The following EIF5B variants were observed in gnomAD, a reference collection of about 807,000 sequenced individuals.
EIF5B encodes eIF-5B.
A neutral mutation model predicts 147.5 loss-of-function variants in EIF5B; 47 were observed. The observed-to-expected ratio is 0.32, with a 90% CI of 0.25 to 0.41. The LOEUF is 0.41. Among genes scored for constraint, EIF5B ranks in the 10% least tolerant of loss-of-function variants. The pLI is 1.00. For missense variants in EIF5B, 1,064 were observed against 1,413.2 expected (o/e 0.75, Z 3.96); for synonymous variants, 455 against 456.2 (o/e 1.00, Z 0.03).
intron 22 of EIF5B, chr2:99,397,488 CA>C (rs1281923730): frequency 9.4e-6 from 1 of 106,924 alleles, no homozygotes; most frequent in Non-Finnish European, 1.9e-5. Context: ...AACAGTCCTC[CA>C]TTCTTTTTGA....
intron 7 of EIF5B, 25 bp from the exon 8 acceptor site, chr2:99,369,367 A>G (rs776730231): frequency 1.3e-6 from 2 of 1,575,370 alleles, no homozygotes; most frequent in South Asian, 1.1e-5. Context: ...AAAAAATATT[A>G]TCTTGGTTTC....
intron 6 of EIF5B, among the ~76,000 whole-genome samples, 171 bp from the exon 7 acceptor site, chr2:99,368,322 A>G (rs1008603876): frequency 5.3e-5 from 8 of 152,202 alleles, no homozygotes; most frequent in Non-Finnish European, 1.2e-4. Flanking sequence ...TTTTTACTGT[A>G]TGTAAATTTT....
chr2:99,383,054 T>TTA (rs1674725501), intron 14 of EIF5B, 133 bp downstream of exon 14: 8 of 928,244 alleles, frequency 8.6e-6, no homozygotes, highest in African/African-American at 6.8e-5. Flanking sequence ...TTCACAGATA[T>TTA]TGTGTGTGTG....
chr2:99,354,696 A>G lies in EIF5B; in HGVS notation c.36-5540A>G, dbSNP rs1674054963. Among the ~76,000 whole-genome samples, 3 of 151,112 alleles carry G rather than the reference A, an allele frequency of 2.0e-5. No individual in the cohort carries two copies. The South Asian group carries it at 6.3e-4, about 32-fold the overall frequency. ...CACTCTTGGATAAGGACTGAGGGTG[A>G]GGTTCATTTTTGTGTGATAGGTGTC... On this transcript the variant is annotated intron_variant, in intron 1 of 23. Transcript: ENST00000289371.
At chr2:99,382,273 C>T (rs1253821656) in intron 13 of EIF5B, 47 bp downstream of exon 13, 1 of 1,532,406 alleles carries the variant, frequency 6.5e-7, no homozygotes, top group Non-Finnish European at 9.0e-7. Flanking sequence ...TACTTGAAAC[C>T]ATTAAGTCTA....
In EIF5B at chr2:99,371,661, G is replaced by A. The variant is rs776914727; in HGVS notation, c.1483G>A (p.Glu495Lys). 6.2e-7 allele frequency: 1 copy of A among 1,611,340 alleles called. No individual in the cohort carries two copies. Among genetic ancestry groups the A allele is most frequent in the South Asian group, 1.1e-5 (1 of 90,124 alleles). Reference sequence around the variant, plus strand: ...ATGCAAATTTTTACTTACAGAAGAAGAAGAAGATACTGAGGATGCTGGATT... The same window carrying A: ...ATGCAAATTTTTACTTACAGAAGAAAAAGAAGATACTGAGGATGCTGGATT... ...ETPPPVEPEE[E>K]EDTEDAGLDD... Residue 495 changes from glutamate (E) to lysine (K), a missense_variant, in exon 9 of 24, where the codon GAA becomes AAA. Physicochemically the swap from Glu to Lys is moderately conservative, Grantham distance 56 (BLOSUM62 1). Coordinates refer to ENST00000289371, the MANE Select transcript of EIF5B (RefSeq NM_015904.4).
Position 99,399,901 on chromosome 2 carries a change from TATAAAATAGAAA to T in EIF5B, c.*490_*501del. ...TTCTGCCATATGCCTTTAGGGCTTT[TATAAAATAGAAA>T]ATTAGGCATTCTGATATTTCTTTAG... On this transcript the variant is annotated 3_prime_UTR_variant, in exon 24 of 24. Coordinates refer to ENST00000289371, the MANE Select transcript of EIF5B (RefSeq NM_015904.4). 6.5e-6 allele frequency: 1 copy of T among 153,664 alleles called. No homozygotes were observed. Among genetic ancestry groups the T allele is most frequent in the Admixed American group, 6.5e-5 (1 of 15,452 alleles). The allele number at this position is 153,664 out of a possible 1,614,324, so 9.5% of individuals were successfully genotyped here. A position where few individuals can be genotyped will look rare whatever the true frequency, so the allele number is the denominator to read the frequency against.
At chr2:99,362,821 C>T (rs758318977) in intron 4 of EIF5B, among the ~76,000 whole-genome samples, 39 of 151,848 alleles carry the variant, frequency 2.6e-4, no homozygotes, top group South Asian at 1.7e-3. Flanking sequence ...TGCAATGACA[C>T]GATCTCAGCT....
intron 1 of EIF5B, among the ~76,000 whole-genome samples, chr2:99,349,537 T>C (rs1444036235): frequency 6.6e-6 from 1 of 152,234 alleles, no homozygotes; most frequent in Non-Finnish European, 1.5e-5. Flanking sequence ...CAAGATGAAG[T>C]ATTTGTCTTA....
intron 21 of EIF5B, 141 bp from the exon 22 acceptor site, chr2:99,396,619 G>A: frequency 9.8e-7 from 1 of 1,025,344 alleles, no homozygotes. Flanking sequence ...CTGGGCTGCA[G>A]CACCCTGCCT....
intron 1 of EIF5B, among the ~76,000 whole-genome samples, chr2:99,338,010 G>A (rs1309074004): frequency 6.6e-6 from 1 of 152,230 alleles, no homozygotes; most frequent in African/African-American, 2.4e-5. Flanking sequence ...TGAATGTGAT[G>A]TACGGCCGGG....
At chr2:99,378,569 G>A (rs1559255344) in intron 10 of EIF5B, among the ~76,000 whole-genome samples, 1 of 152,114 alleles carries the variant, frequency 6.6e-6, no homozygotes, top group East Asian at 1.9e-4. Context: ...GAAATAAATT[G>A]CCTTTAAAAA....
Position 99,368,547 on chromosome 2 carries a change from A to G in EIF5B, c.1343A>G (p.Asp448Gly). The change falls in exon 7 of 24, where the codon GAT (aspartate) becomes GGT (glycine). Residue 448 changes from aspartate to glycine, a missense_variant. Physicochemically the swap from Asp to Gly is moderately conservative, Grantham distance 94 (BLOSUM62 -1). Coordinates refer to ENST00000289371, the MANE Select transcript of EIF5B (RefSeq NM_015904.4). ...CCAAAGAAGAGGCCAATTTATGAAGATAAAAAGAGGAAAAAAATACCACAG... is the reference window on the plus strand; with the variant it reads ...CCAAAGAAGAGGCCAATTTATGAAGGTAAAAAGAGGAAAAAAATACCACAG... ...SLPKKRPIYE[D>G]KKRKKIPQQL... 6.2e-7 allele frequency: 1 copy of G among 1,613,792 alleles called. No homozygotes were observed. The highest frequency in any genetic ancestry group is 8.5e-7 in the Non-Finnish European group (1 of 1,179,864).
intron 9 of EIF5B, 140 bp from the exon 10 acceptor site, chr2:99,376,207 T>C: frequency 1.8e-6 from 1 of 545,792 alleles, no homozygotes; most frequent in Admixed American, 3.3e-5. Flanking sequence ...GTGTATTTTA[T>C]GTGTGGCCCA....
rs1674997673 is a variant in EIF5B at position 99,394,208 on chromosome 2, C to A, written c.2881-59C>A. On this transcript the variant is annotated intron_variant, in intron 18 of 23. Coordinates refer to ENST00000289371, the MANE Select transcript of EIF5B (RefSeq NM_015904.4). ...CCAAAGAGAGAAACACAATTTAATT[C>A]TAGACTGCTGAGGATAGAGGTGTGT... 3 of 1,544,438 alleles carry A rather than the reference C, an allele frequency of 1.9e-6. No homozygotes were observed. The East Asian group carries it at 6.7e-5, about 35-fold the overall frequency.
In EIF5B at chr2:99,399,832, CTTTA is replaced by C. The variant is rs1219622230; in HGVS notation, c.*424_*427del. The C allele has an allele frequency of 1.3e-5, 2 of 156,558 alleles. No homozygotes were observed. Among genetic ancestry groups the C allele is most frequent in the South Asian group, 2.0e-4 (1 of 5,118 alleles). The allele number at this position is 156,558 out of a possible 1,614,324, so 9.7% of individuals were successfully genotyped here. Reference sequence around the variant, plus strand: ...GACTTTTTTGACGTAAGAAATACTTCTTTATTTATGCATATTCTTCCCACAGTGA... The same window carrying C: ...GACTTTTTTGACGTAAGAAATACTTCTTTATGCATATTCTTCCCACAGTGA... On this transcript the variant is annotated 3_prime_UTR_variant, in exon 24 of 24. Transcript: ENST00000289371.
intron 17 of EIF5B, among the ~76,000 whole-genome samples, chr2:99,392,529 G>A (rs1371429973): frequency 6.6e-6 from 1 of 152,160 alleles, no homozygotes; most frequent in African/African-American, 2.4e-5. Flanking sequence ...GTTCTTGGAT[G>A]TTAGGTTTTA....
intron 18 of EIF5B, among the ~76,000 whole-genome samples, chr2:99,393,630 C>T (rs1253199706): frequency 6.6e-6 from 1 of 152,180 alleles, no homozygotes; most frequent in African/African-American, 2.4e-5. Context: ...CAGCACATGG[C>T]TCTTGTGTCC....
chr2:99,367,945 T>A (rs1001723655), intron 6 of EIF5B, among the ~76,000 whole-genome samples: 1 of 152,196 alleles, frequency 6.6e-6, no homozygotes. Context: ...TTATTCATAA[T>A]TGCAAAAAAC....
Sources: allele counts gnomAD v4.1 joint callset (sites outside exome capture counted in the v4.1 genomes callset), GRCh38; gene constraint gnomAD v4.1.1; transcripts MANE v1.5; gene names NCBI Gene and HGNC (gene_info 2026-07-23, HGNC 2026-07-21).